The following HTRA4 variants were observed in gnomAD, a reference collection of about 807,000 sequenced individuals.
HTRA4 encodes the protein HtrA serine peptidase 4.
Under a neutral mutation model 49.1 loss-of-function variants are expected in HTRA4, and 46 were observed. That is an observed-to-expected ratio of 0.94 (90% CI 0.74 to 1.20). The LOEUF (loss-of-function observed/expected upper bound fraction) is 1.20. Ranked by LOEUF, HTRA4 falls within the 50% of genes most tolerant of loss-of-function variation. The pLI, the probability that HTRA4 is intolerant of heterozygous loss-of-function variation, is 0.00. For synonymous variants in HTRA4, 261 were observed against 264.0 expected (o/e 0.99, Z 0.11); for missense variants, 602 against 636.9 (o/e 0.95, Z 0.59).
Position 38,976,185 on chromosome 8 carries a change from G to A in HTRA4, c.567-350G>A, listed in dbSNP as rs1287335949. ...CCAGCACTTTGGGAGGCCGAGGCGG[G>A]TGGATCACCTGAGGTCAGGCGTTCG... On this transcript the variant is annotated intron_variant, in intron 2 of 8. Coordinates refer to ENST00000302495, the MANE Select transcript of HTRA4 (RefSeq NM_153692.4). Among the ~76,000 whole-genome samples the A allele has an allele frequency of 2.6e-5, 4 of 152,230 alleles. No homozygotes were observed. In the East Asian group the frequency reaches 7.7e-4, roughly 29 times the overall value.
chr8:38,981,062 A>AT (rs1835412274), intron 5 of HTRA4, among the ~76,000 whole-genome samples: 3 of 74,106 alleles, frequency 4.0e-5, no homozygotes, highest in Admixed American at 1.6e-4. Flanking sequence ...AATGAGCTTA[A>AT]GTTTTTTTTT....
intron 5 of HTRA4, 99 bp from the exon 6 acceptor site, chr8:38,981,554 C>A: frequency 1.3e-6 from 1 of 786,450 alleles, no homozygotes; most frequent in Non-Finnish European, 2.2e-6. Context: ...TGTTTTCTGA[C>A]CCTAAGTAAC....
Position 38,982,936 on chromosome 8 carries a change from C to T in HTRA4, c.1173-17C>T, listed in dbSNP as rs1835441672. 6.4e-7 allele frequency: 1 copy of T among 1,555,810 alleles called. No individual in the cohort carries two copies. The highest frequency in any genetic ancestry group is 8.9e-7 in the Non-Finnish European group (1 of 1,129,228). On this transcript the variant is annotated splice_polypyrimidine_tract_variant and intron_variant, in intron 7 of 8. Transcript: ENST00000302495. ...GGAGACTAATTCATTGTTTCCTAAT[C>T]TTCTCACTTCTCTTAGCCTTAGTGA...
rs1016343593 is a variant in HTRA4 at position 38,988,152 on chromosome 8, G to A, written c.*54G>A. On this transcript the variant is annotated 3_prime_UTR_variant, in exon 9 of 9. Coordinates refer to ENST00000302495, the MANE Select transcript of HTRA4 (RefSeq NM_153692.4). ...AAAAAAAAAAAACCAGTTATATCAC[G>A]TGGTTTGTATTGGAGATGTGCCAAA... The A allele has an allele frequency of 3.4e-5, 49 of 1,442,568 alleles. No individual in the cohort carries two copies. Among genetic ancestry groups the A allele is most frequent in the Admixed American group, 1.7e-4 (6 of 36,000 alleles). 89.4% of individuals were successfully genotyped at this position (1,442,568 alleles called of 1,614,324 possible). A position where few individuals can be genotyped will look rare whatever the true frequency, so the allele number is the denominator to read the frequency against.
chr8:38,981,085 T>G (rs903210662), intron 5 of HTRA4, among the ~76,000 whole-genome samples: 1 of 123,788 alleles, frequency 8.1e-6, no homozygotes, highest in Non-Finnish European at 1.6e-5. Flanking sequence ...TTTTTTTTTT[T>G]TTTTTTTTTT....
Position 38,974,621 on chromosome 8 carries a change from A to G in HTRA4, c.358A>G (p.Arg120Gly), listed in dbSNP as rs1302154705. Residue 120 changes from arginine to glycine, a missense_variant, in exon 1 of 9, where the codon AGG becomes GGG. By Grantham distance (125) the Arg-to-Gly change is moderately radical. Coordinates refer to ENST00000302495, the MANE Select transcript of HTRA4 (RefSeq NM_153692.4). The part of the protein sequence containing the change: ...TLGGAVCGSD[R>G]RTYPSMCALR... ...GGGAGGGGCCGTGTGCGGCAGCGAC[A>G]GGCGCACCTACCCCAGCATGTGCGC... is the stretch of plus-strand genomic sequence containing the variant. The G allele has an allele frequency of 3.5e-6, 5 of 1,426,974 alleles. No individual in the cohort carries two copies. In the Admixed American group the frequency reaches 8.9e-5, roughly 25 times the overall value. 88.4% of individuals were successfully genotyped at this position (1,426,974 alleles called of 1,614,324 possible). A position where few individuals can be genotyped will look rare whatever the true frequency, so the allele number is the denominator to read the frequency against.
In HTRA4 at chr8:38,974,744, C is replaced by G. The variant is rs1588289226; in HGVS notation, c.466+15C>G. The stretch of plus-strand genomic sequence containing the variant: ...CGGGGATACAGGTGAGCCGCGGGGG[C>G]GCGCGCCCTCGGAACACTTTCTAAC... On this transcript the variant is annotated intron_variant, in intron 1 of 8. Coordinates refer to ENST00000302495, the MANE Select transcript of HTRA4 (RefSeq NM_153692.4). 2.8e-6 allele frequency: 4 copies of G among 1,411,498 alleles called. No homozygotes were observed. Among genetic ancestry groups the G allele is most frequent in the Non-Finnish European group, 3.7e-6 (4 of 1,088,818 alleles). The allele number at this position is 1,411,498 out of a possible 1,614,324, so 87.4% of individuals were successfully genotyped here.
intron 4 of HTRA4, among the ~76,000 whole-genome samples, chr8:38,978,760 G>T (rs905990672): frequency 1.3e-5 from 2 of 148,958 alleles, no homozygotes; most frequent in Admixed American, 6.6e-5. Context: ...ACTTTGGGAG[G>T]CCGAAGGGGG....
chr8:38,985,214 G>A (rs899977087), intron 8 of HTRA4, among the ~76,000 whole-genome samples: 9 of 146,030 alleles, frequency 6.2e-5, no homozygotes, highest in Non-Finnish European at 1.0e-4. Flanking sequence ...AGGCTGGAGT[G>A]CAGTGATGCG....
At chr8:38,977,904 T>C (rs374143858) in intron 3 of HTRA4, 49 bp from the exon 4 acceptor site, 1 of 1,582,702 alleles carries the variant, frequency 6.3e-7, no homozygotes, top group Non-Finnish European at 8.6e-7. Flanking sequence ...TGATCGTGAT[T>C]TGTTCTTTAC....
At position 38,983,049 on chromosome 8, in the gene HTRA4, G is replaced by A. The variant is rs765903899; in HGVS notation, c.1268+1G>A. On this transcript the variant is annotated splice_donor_variant, in intron 8 of 8. Coordinates refer to ENST00000302495, the MANE Select transcript of HTRA4 (RefSeq NM_153692.4). LOFTEE classifies it high-confidence loss of function. ...TGGTTGAAGGAACAGCTGCTCAAAG[G>A]TAAGAGAAGTGAAGGCCTTTGTCAT... 23 of 1,605,172 alleles carry A rather than the reference G, an allele frequency of 1.4e-5. No individual in the cohort carries two copies. In the Middle Eastern group the frequency reaches 5.0e-4, roughly 35 times the overall value.
At chr8:38,981,067 T>TTTTTTGTTTTTTTTTTTTG (rs1216373399) in intron 5 of HTRA4, among the ~76,000 whole-genome samples, 1 of 41,670 alleles carries the variant, frequency 2.4e-5, no homozygotes, top group African/African-American at 1.7e-4. Context: ...GCTTAAGTTT[T>TTTTTTGTTTTTTTTTTTTG]TTTTTTTTTT....
chr8:38,983,912 A>G (rs145673186), intron 8 of HTRA4, among the ~76,000 whole-genome samples: 18 of 152,186 alleles, frequency 1.2e-4, no homozygotes, highest in African/African-American at 4.1e-4. Context: ...GGAATTCCCA[A>G]ATCTACCCTT....
chr8:38,987,469 CG>C (rs1442789359), intron 8 of HTRA4, among the ~76,000 whole-genome samples: 4 of 1,758 alleles, frequency 2.3e-3, no homozygotes, highest in South Asian at 0.024. Flanking sequence ...TAAGCTGGGG[CG>C]GGGGGGTGGG....
chr8:38,985,465 T>G (rs867913459), intron 8 of HTRA4, among the ~76,000 whole-genome samples: 1 of 152,158 alleles, frequency 6.6e-6, no homozygotes, highest in Non-Finnish European at 1.5e-5. Flanking sequence ...GGTCTGTACT[T>G]CTTTATTATC....
intron 8 of HTRA4, among the ~76,000 whole-genome samples, chr8:38,986,105 G>A (rs1460479212): frequency 1.3e-5 from 2 of 152,146 alleles, no homozygotes; most frequent in African/African-American, 4.8e-5. Flanking sequence ...AGGCTGCAGT[G>A]AGCCATGACT....
chr8:38,987,912 CTCT>C (rs1335895958), intron 8 of HTRA4, 21 bp from the exon 9 acceptor site: 6 of 1,523,900 alleles, frequency 3.9e-6, no homozygotes, highest in Non-Finnish European at 5.3e-6. Context: ...TTTCATGATC[CTCT>C]TTTTTTTCTC....
At chr8:38,985,040 C>G (rs1169907664) in intron 8 of HTRA4, among the ~76,000 whole-genome samples, 1 of 152,192 alleles carries the variant, frequency 6.6e-6, no homozygotes, top group Non-Finnish European at 1.5e-5. Flanking sequence ...AAGGCTAGGA[C>G]AGCTTCCAAA....
rs1248089575 is a variant in HTRA4 at position 38,988,477 on chromosome 8, A to G, written c.*379A>G. The G allele has an allele frequency of 6.3e-6, 1 of 159,394 alleles. No individual in the cohort carries two copies. Among genetic ancestry groups the G allele is most frequent in the African/African-American group, 2.4e-5 (1 of 41,522 alleles). 9.9% of individuals were successfully genotyped at this position (159,394 alleles called of 1,614,324 possible). A position where few individuals can be genotyped will look rare whatever the true frequency, so the allele number is the denominator to read the frequency against. ...GGAACAACACACACTGGGGCCTGGC[A>G]GTGGGTAGGGTAGAGGGAGGGAGAG... On this transcript the variant is annotated 3_prime_UTR_variant, in exon 9 of 9. Transcript: ENST00000302495.
Sources: gnomAD v4.1 joint callset for allele counts (sites outside exome capture counted in the v4.1 genomes callset) on GRCh38, gnomAD v4.1.1 for gene constraint, MANE v1.5 for transcripts, NCBI Gene and HGNC (gene_info 2026-07-23, HGNC 2026-07-21) for gene names.